ULK4: variants seen among roughly 807,000 people sequenced by gnomAD.
ULK4 encodes the protein inactive serine/threonine-protein kinase ULK4.
A neutral mutation model predicts 160.6 loss-of-function variants in ULK4; 133 were observed. The observed-to-expected ratio is 0.83, with a 90% CI of 0.72 to 0.96. The LOEUF (loss-of-function observed/expected upper bound fraction) is 0.96, where lower values mean the gene tolerates loss of function less well. ULK4 is among the 40% of genes least tolerant of loss of function. ULK4 has a pLI of 0.00. For synonymous variants in ULK4, 534 were observed against 539.8 expected (o/e 0.99, Z 0.15); for missense variants, 1,580 against 1,499.5 (o/e 1.05, Z -0.89).
intron 29 of ULK4, among the ~76,000 whole-genome samples, chr3:41,676,701 T>C (rs2035729237): frequency 1.3e-5 from 2 of 152,132 alleles, no homozygotes; most frequent in African/African-American, 4.8e-5. Context: ...ATTAGAAACA[T>C]GTCTGTGAAA....
At chr3:41,703,156 C>T (rs545098194) in intron 27 of ULK4, among the ~76,000 whole-genome samples, 4 of 151,960 alleles carry the variant, frequency 2.6e-5, no homozygotes, top group African/African-American at 4.8e-5. Context: ...GCCGGGCCAA[C>T]GACAAGATGT....
At chr3:41,283,396 C>G (rs1380176625) in intron 35 of ULK4, among the ~76,000 whole-genome samples, 1 of 152,160 alleles carries the variant, frequency 6.6e-6, no homozygotes, top group East Asian at 1.9e-4. Flanking sequence ...TAGAACCAAC[C>G]CAAATGTCCA....
At position 41,690,361 on chromosome 3, in the gene ULK4, C is replaced by T. The variant is rs981740952; in HGVS notation, c.2782-8557G>A. On this transcript the variant is annotated intron_variant, in intron 27 of 36. Transcript: ENST00000301831. The stretch of plus-strand genomic sequence containing the variant: ...ATGCTAAATGACGAGTTAATGGGTG[C>T]AGCACACCAGCATGGCACATGTATA... 1.3e-4 allele frequency among the ~76,000 whole-genome samples: 19 copies of T among 151,302 alleles called. 1 individual carries two copies. The highest frequency in any genetic ancestry group is 2.5e-4 in the Non-Finnish European group (17 of 67,718).
chr3:41,267,648 T>A (rs1317541694), intron 35 of ULK4, among the ~76,000 whole-genome samples: 1 of 152,154 alleles, frequency 6.6e-6, no homozygotes. Context: ...GTGACAGTTC[T>A]AAATGCCCTA....
intron 5 of ULK4, among the ~76,000 whole-genome samples, chr3:41,924,873 C>T (rs1346038175): frequency 2.0e-5 from 3 of 152,140 alleles, no homozygotes; most frequent in Non-Finnish European, 4.4e-5. Flanking sequence ...GCATAGTGCC[C>T]TTTCCTACAA....
In ULK4 at chr3:41,249,187, C is replaced by A. The variant is rs550687926; in HGVS notation, c.3764+302G>T. Among the ~76,000 whole-genome samples the A allele has an allele frequency of 2.0e-5, 3 of 152,320 alleles. No homozygotes were observed. The South Asian group carries it at 6.2e-4, about 32-fold the overall frequency. ...AGGTTCCTTGCATCTCCCACTTGGTCATCCACTCAACCTCTTCAGGGGCCT... is the reference window on the plus strand; with the variant it reads ...AGGTTCCTTGCATCTCCCACTTGGTAATCCACTCAACCTCTTCAGGGGCCT... On this transcript the variant is annotated intron_variant, in intron 36 of 36. Coordinates refer to ENST00000301831, the MANE Select transcript of ULK4 (RefSeq NM_017886.4).
chr3:41,638,078 CTTTG>C (rs1413845906), intron 30 of ULK4, among the ~76,000 whole-genome samples: 1 of 151,316 alleles, frequency 6.6e-6, no homozygotes, highest in Non-Finnish European at 1.5e-5. Context: ...GTTGCCTTTG[CTTTG>C]AGTTCAAAGA....
intron 35 of ULK4, among the ~76,000 whole-genome samples, chr3:41,304,446 C>T (rs2079864049): frequency 1.3e-5 from 2 of 152,124 alleles, no homozygotes; most frequent in Admixed American, 6.5e-5. Context: ...AGCCCCCAAA[C>T]AGGGACATGT....
At chr3:41,561,956 G>A (rs894074890) in intron 32 of ULK4, among the ~76,000 whole-genome samples, 6 of 152,212 alleles carry the variant, frequency 3.9e-5, no homozygotes, top group Middle Eastern at 3.4e-3. Flanking sequence ...TGATGTTAGG[G>A]TGCAGATTTT....
intron 18 of ULK4, among the ~76,000 whole-genome samples, chr3:41,822,633 C>A (rs112059754): frequency 0.26 from 38,297 of 150,016 alleles, 5,964 homozygotes; most frequent in African/African-American, 0.45. Flanking sequence ...TGGCCAGGCT[C>A]GTCTCAAACT....
intron 27 of ULK4, among the ~76,000 whole-genome samples, chr3:41,701,475 C>G (rs900931334): frequency 6.6e-6 from 1 of 152,094 alleles, no homozygotes; most frequent in Non-Finnish European, 1.5e-5. Context: ...AAACAACTAC[C>G]AAACTGAAAT....
chr3:41,355,553 T>G (rs1044022928), intron 35 of ULK4, among the ~76,000 whole-genome samples: 6 of 152,216 alleles, frequency 3.9e-5, no homozygotes, highest in African/African-American at 1.4e-4. Flanking sequence ...GTCAAGACTG[T>G]TGTTTGAAAA....
intron 35 of ULK4, among the ~76,000 whole-genome samples, chr3:41,378,163 G>A (rs1216978295): frequency 2.9e-5 from 4 of 139,708 alleles, no homozygotes; most frequent in African/African-American, 8.1e-5. Flanking sequence ...TTATAGGTGG[G>A]AATTGAACAA....
intron 12 of ULK4, 48 bp from the exon 13 acceptor site, chr3:41,900,877 T>C (rs563310319): frequency 1.4e-6 from 2 of 1,380,146 alleles, no homozygotes; most frequent in African/African-American, 2.8e-5. Context: ...CTAATGTAGA[T>C]CTTTAAAACA....
At chr3:41,914,634 G>A (rs1400007541) in intron 8 of ULK4, 1 of 152,160 alleles carries the variant, frequency 6.6e-6, no homozygotes, top group Non-Finnish European at 1.5e-5. Context: ...GATATTTACT[G>A]TAACAACACA....
At chr3:41,563,721 G>A (rs926879026) in intron 32 of ULK4, among the ~76,000 whole-genome samples, 18 of 152,028 alleles carry the variant, frequency 1.2e-4, no homozygotes, top group African/African-American at 3.1e-4. Context: ...GGTCATTTAA[G>A]GTCTTCTCTA....
At chr3:41,947,203 C>T (rs1716695) in intron 2 of ULK4, among the ~76,000 whole-genome samples, 103,580 of 151,892 alleles carry the variant, frequency 0.68, 38,975 homozygotes, top group East Asian at 0.83. Context: ...CCCAGCTACT[C>T]GGGAGGCTCA....
At chr3:41,783,334 C>T (rs1165164783) in intron 21 of ULK4, among the ~76,000 whole-genome samples, 2 of 151,802 alleles carry the variant, frequency 1.3e-5, no homozygotes, top group African/African-American at 2.4e-5. Flanking sequence ...GCCAGGAGTT[C>T]GAGACCAGTC....
chr3:41,478,758 T>G (rs1179682014), intron 32 of ULK4, among the ~76,000 whole-genome samples: 1 of 152,204 alleles, frequency 6.6e-6, no homozygotes, highest in Non-Finnish European at 1.5e-5. Context: ...GGCTTAGGAT[T>G]AATTTAAGCA....
Sources: allele counts gnomAD v4.1 joint callset (sites outside exome capture counted in the v4.1 genomes callset), GRCh38; gene constraint gnomAD v4.1.1; transcripts MANE v1.5; gene names NCBI Gene and HGNC (gene_info 2026-07-23, HGNC 2026-07-21).